Variants in CDH13 observed in about 807,000 individuals in gnomAD.
CDH13 encodes the protein cadherin 13.
Under a neutral mutation model 63.8 loss-of-function variants are expected in CDH13, and 24 were observed. The ratio of observed to expected loss-of-function variants is 0.38; its 90% CI spans 0.27 to 0.53. The LOEUF (loss-of-function observed/expected upper bound fraction) is 0.53. Among genes scored for constraint, CDH13 ranks in the 20% least tolerant of loss-of-function variants. The pLI is 0.85. For synonymous variants in CDH13, 503 were observed against 355.3 expected (o/e 1.42, Z -4.67); for missense variants, 1,049 against 903.1 (o/e 1.16, Z -2.07).
At chr16:83,332,098 A>G (rs895371721) in intron 5 of CDH13, among the ~76,000 whole-genome samples, 1 of 152,160 alleles carries the variant, frequency 6.6e-6, no homozygotes, top group Admixed American at 6.5e-5. Flanking sequence ...AACTTTTTCT[A>G]ATTATTGTAA....
intron 6 of CDH13, among the ~76,000 whole-genome samples, chr16:83,399,953 C>CA (rs2091943188): frequency 6.6e-6 from 1 of 152,046 alleles, no homozygotes; most frequent in South Asian, 2.1e-4. Flanking sequence ...GAACAAACAC[C>CA]AAAAAACCAC....
At chr16:83,783,526 G>T in intron 13 of CDH13, 54 bp downstream of exon 13, 1 of 1,364,716 alleles carries the variant, frequency 7.3e-7, no homozygotes. Context: ...AACTTCACTG[G>T]GTTCGTGAAG....
chr16:82,752,782 A>G (rs548729143), intron 1 of CDH13, among the ~76,000 whole-genome samples: 2 of 152,140 alleles, frequency 1.3e-5, no homozygotes, highest in South Asian at 4.2e-4. Flanking sequence ...GCCTTTGCCT[A>G]TTTTCATGAT....
At chr16:82,758,727 A>C (rs1395360176) in intron 1 of CDH13, among the ~76,000 whole-genome samples, 6 of 152,200 alleles carry the variant, frequency 3.9e-5, no homozygotes, top group African/African-American at 1.2e-4. Flanking sequence ...TATGGGTGTA[A>C]CAGGCATTAG....
intron 1 of CDH13, among the ~76,000 whole-genome samples, chr16:82,632,862 TCC>T (rs1908185746): frequency 6.6e-6 from 1 of 151,962 alleles, no homozygotes; most frequent in Non-Finnish European, 1.5e-5. Flanking sequence ...CACTAGATGG[TCC>T]CATCTGGGGG....
intron 6 of CDH13, among the ~76,000 whole-genome samples, chr16:83,393,868 C>A (rs888435966): frequency 6.6e-6 from 1 of 152,064 alleles, no homozygotes. Context: ...GCAATGAGAA[C>A]TGTAGAGAGA....
chr16:82,870,135 A>T (rs1383967148), intron 2 of CDH13, among the ~76,000 whole-genome samples: 1 of 152,196 alleles, frequency 6.6e-6, no homozygotes, highest in East Asian at 1.9e-4. Context: ...TAGAAAAAAA[A>T]ATCTCATTAA....
intron 10 of CDH13, among the ~76,000 whole-genome samples, chr16:83,726,773 G>T (rs986130507): frequency 6.6e-6 from 1 of 152,036 alleles, no homozygotes; most frequent in Non-Finnish European, 1.5e-5. Flanking sequence ...GGGAGGCGGA[G>T]CTTGTAGTGA....
At chr16:83,407,359 G>T (rs1483569335) in intron 6 of CDH13, among the ~76,000 whole-genome samples, 6 of 152,190 alleles carry the variant, frequency 3.9e-5, no homozygotes, top group African/African-American at 1.2e-4. Context: ...TTAGGCTCCT[G>T]CTATATGCCA....
Position 83,789,324 on chromosome 16 carries a change from A to C in CDH13, c.2135-5699A>C, listed in dbSNP as rs545244707. Among the ~76,000 whole-genome samples, 152 of 150,342 alleles carry C rather than the reference A, an allele frequency of 1.0e-3. 1 individual carries two copies. Among genetic ancestry groups the C allele is most frequent in the Non-Finnish European group, 1.9e-3 (132 of 67,906 alleles). The stretch of plus-strand genomic sequence containing the variant: ...GGAGGGTGATTTCAAAAAACACTGA[A>C]ATTAGTAGCTTTCTTTTTTTTTGTT... On this transcript the variant is annotated intron_variant, in intron 13 of 13. Coordinates refer to ENST00000567109, the MANE Select transcript of CDH13 (RefSeq NM_001257.5).
At chr16:82,662,484 T>G (rs1912067639) in intron 1 of CDH13, among the ~76,000 whole-genome samples, 1 of 152,208 alleles carries the variant, frequency 6.6e-6, no homozygotes, top group South Asian at 2.1e-4. Flanking sequence ...TCTTTGCCTC[T>G]TTAGAGACTG....
intron 4 of CDH13, among the ~76,000 whole-genome samples, chr16:83,215,356 G>A (rs1379268886): frequency 6.6e-6 from 1 of 151,902 alleles, no homozygotes; most frequent in Non-Finnish European, 1.5e-5. Flanking sequence ...TGGGATTACA[G>A]GCATGAGCCA....
chr16:83,062,896 C>G (rs765318541), intron 3 of CDH13, among the ~76,000 whole-genome samples: 2 of 151,724 alleles, frequency 1.3e-5, no homozygotes, highest in Non-Finnish European at 2.9e-5. Flanking sequence ...TTGCATGCAC[C>G]TTGGTGATTC....
intron 12 of CDH13, 147 bp from the exon 13 acceptor site, chr16:83,783,107 T>C (rs1597225998): frequency 1.6e-6 from 1 of 641,340 alleles, no homozygotes; most frequent in Non-Finnish European, 2.8e-6. Context: ...TATTTTCACT[T>C]GATGTTAATG....
intron 2 of CDH13, among the ~76,000 whole-genome samples, chr16:82,976,381 A>C (rs1025330382): frequency 2.0e-5 from 3 of 152,156 alleles, no homozygotes; most frequent in Non-Finnish European, 2.9e-5. Context: ...ATCTCACTCA[A>C]CTGTAACGGT....
Position 83,596,980 on chromosome 16 carries a change from G to C in CDH13, c.961-5474G>C, listed in dbSNP as rs544339640. On this transcript the variant is annotated intron_variant, in intron 7 of 13. Coordinates refer to ENST00000567109, the MANE Select transcript of CDH13 (RefSeq NM_001257.5). ...TCTCATGCCTATAATCTCAGCACTT[G>C]GGGAGCCTGTGGTGGGAGGATCACT... Among the ~76,000 whole-genome samples, 37 of 152,262 alleles carry C rather than the reference G, an allele frequency of 2.4e-4. No homozygotes were observed. In the South Asian group the frequency reaches 7.5e-3, roughly 31 times the overall value.
intron 5 of CDH13, among the ~76,000 whole-genome samples, chr16:83,301,431 C>G (rs901211719): frequency 2.6e-5 from 4 of 152,074 alleles, no homozygotes; most frequent in Non-Finnish European, 4.4e-5. Context: ...CTGGTTTTAC[C>G]CAGTACCTTG....
intron 10 of CDH13, among the ~76,000 whole-genome samples, chr16:83,708,406 A>C (rs1440532144): frequency 6.6e-6 from 1 of 152,198 alleles, no homozygotes; most frequent in African/African-American, 2.4e-5. Context: ...GGGTTAAGCC[A>C]GTCCTTTCAC....
chr16:82,782,416 C>T (rs2035798974), intron 1 of CDH13, among the ~76,000 whole-genome samples: 1 of 151,932 alleles, frequency 6.6e-6, no homozygotes, highest in African/African-American at 2.4e-5. Flanking sequence ...AAACATTAGC[C>T]AGGCAAGTGC....
Sources: allele counts gnomAD v4.1 joint callset (sites outside exome capture counted in the v4.1 genomes callset), GRCh38; gene constraint gnomAD v4.1.1; transcripts MANE v1.5; gene names NCBI Gene and HGNC (gene_info 2026-07-23, HGNC 2026-07-21).